Variants in CHN2 observed in about 807,000 individuals in gnomAD.
The protein encoded by CHN2 is beta-chimaerin.
In CHN2, 35 loss-of-function variants were observed where a neutral mutation model predicts 56.3. The ratio of observed to expected loss-of-function variants is 0.62; its 90% CI spans 0.47 to 0.82. The LOEUF (loss-of-function observed/expected upper bound fraction) is 0.82, where lower values mean the gene tolerates loss of function less well. Ranked by LOEUF, CHN2 falls within the 40% of genes least tolerant of loss-of-function variation. The probability of loss-of-function intolerance (pLI) is 0.00; values close to 1 mark genes in which losing one functional copy is unlikely to be tolerated. For missense variants in CHN2, 491 were observed against 580.5 expected (o/e 0.85, Z 1.58); for synonymous variants, 210 against 212.8 (o/e 0.99, Z 0.12).
intron 2 of CHN2, among the ~76,000 whole-genome samples, chr7:29,355,993 G>C (rs1798290576): frequency 1.3e-5 from 2 of 151,708 alleles, no homozygotes; most frequent in Admixed American, 6.6e-5. Context: ...ATGTTGCCCA[G>C]AGCGGTCTTG....
intron 4 of CHN2, among the ~76,000 whole-genome samples, 158 bp downstream of exon 4, chr7:29,393,868 T>A (rs1801535953): frequency 6.6e-6 from 1 of 152,176 alleles, no homozygotes; most frequent in African/African-American, 2.4e-5. Flanking sequence ...TGAATTAATA[T>A]TTTTTATAGT....
chr7:29,157,927 GA>G (rs1290800299), intron 2 of CHN2, among the ~76,000 whole-genome samples: 1 of 152,052 alleles, frequency 6.6e-6, no homozygotes, highest in African/African-American at 2.4e-5. Context: ...TCTTCCTTAT[GA>G]AAATACTGTT....
intron 11 of CHN2, among the ~76,000 whole-genome samples, chr7:29,508,582 C>T (rs533491126): frequency 7.9e-5 from 12 of 152,126 alleles, no homozygotes; most frequent in East Asian, 7.7e-4. Context: ...TCCCTCCTTC[C>T]GGGGCCCTAG....
intron 2 of CHN2, among the ~76,000 whole-genome samples, chr7:29,168,650 A>G (rs1796216328): frequency 6.6e-6 from 1 of 152,214 alleles, no homozygotes; most frequent in Non-Finnish European, 1.5e-5. Context: ...GTATAGGCTG[A>G]AAGCTTTCCC....
intron 6 of CHN2, among the ~76,000 whole-genome samples, chr7:29,448,632 A>G (rs1430159910): frequency 6.6e-6 from 1 of 152,168 alleles, no homozygotes; most frequent in Non-Finnish European, 1.5e-5. Flanking sequence ...CATTTCTGTA[A>G]TAGATCACCC....
chr7:29,228,674 TAAAC>T (rs896191537), intron 1 of CHN2, among the ~76,000 whole-genome samples: 2 of 152,114 alleles, frequency 1.3e-5, no homozygotes, highest in African/African-American at 4.8e-5. Flanking sequence ...ACAAAACAAA[TAAAC>T]AAAACACAAA....
chr7:29,430,255 C>A (rs926522313), intron 6 of CHN2, among the ~76,000 whole-genome samples: 16 of 152,148 alleles, frequency 1.1e-4, no homozygotes, highest in Admixed American at 2.0e-4. Context: ...CTTTTCATTG[C>A]CCCTCTGCCA....
At chr7:29,241,431 A>C (rs1787673216) in intron 1 of CHN2, among the ~76,000 whole-genome samples, 1 of 152,070 alleles carries the variant, frequency 6.6e-6, no homozygotes, top group African/African-American at 2.4e-5. Context: ...CAAACTGTGC[A>C]AACTTCTCAA....
At chr7:29,482,077 C>T (rs1455365252) in intron 7 of CHN2, among the ~76,000 whole-genome samples, 3 of 152,122 alleles carry the variant, frequency 2.0e-5, no homozygotes, top group African/African-American at 7.2e-5. Context: ...TTAAGTAGTA[C>T]TGTTGCTAAC....
At chr7:29,209,246 G>T (rs75922544) in intron 1 of CHN2, among the ~76,000 whole-genome samples, 1 of 152,056 alleles carries the variant, frequency 6.6e-6, no homozygotes, top group African/African-American at 2.4e-5. Flanking sequence ...AAGAACATCC[G>T]CCACAATTAT....
At chr7:29,341,141 GTTC>G (rs1797026193) in intron 1 of CHN2, among the ~76,000 whole-genome samples, 1 of 152,146 alleles carries the variant, frequency 6.6e-6, no homozygotes, top group African/African-American at 2.4e-5. Flanking sequence ...CATCTTTCAG[GTTC>G]TTCTTGGTTA....
At chr7:29,267,347 T>C (rs112008692) in intron 1 of CHN2, among the ~76,000 whole-genome samples, 3 of 151,714 alleles carry the variant, frequency 2.0e-5, no homozygotes. Flanking sequence ...GGTTCAAGTG[T>C]TTCTCCTACC....
intron 6 of CHN2, among the ~76,000 whole-genome samples, chr7:29,440,971 TTA>T (rs1427465330): frequency 1.3e-5 from 2 of 152,178 alleles, no homozygotes; most frequent in Non-Finnish European, 2.9e-5. Flanking sequence ...CAAAGTGATG[TTA>T]TGTTTTTTTA....
intron 1 of CHN2, among the ~76,000 whole-genome samples, chr7:29,294,513 C>T (rs1299476026): frequency 6.6e-6 from 1 of 152,104 alleles, no homozygotes; most frequent in Non-Finnish European, 1.5e-5. Flanking sequence ...TCGTGCCTGC[C>T]TTGTAACCGC....
At chr7:29,350,330 T>C (rs2128922044) in intron 1 of CHN2, among the ~76,000 whole-genome samples, 1 of 152,282 alleles carries the variant, frequency 6.6e-6, no homozygotes, top group South Asian at 2.1e-4. Flanking sequence ...CGCAAGTTGA[T>C]CTTTGAAAAG....
At chr7:29,302,522 T>A (rs1278717573) in intron 1 of CHN2, among the ~76,000 whole-genome samples, 2 of 133,436 alleles carry the variant, frequency 1.5e-5, no homozygotes, top group Non-Finnish European at 3.3e-5. Context: ...TTTTTTTTTT[T>A]AAGAGATAGG....
intron 3 of CHN2, among the ~76,000 whole-genome samples, chr7:29,382,561 A>T (rs181743281): frequency 6.6e-6 from 1 of 152,220 alleles, no homozygotes; most frequent in African/African-American, 2.4e-5. Flanking sequence ...GTGTTATGCC[A>T]TGAGGCTGAG....
intron 2 of CHN2, among the ~76,000 whole-genome samples, chr7:29,155,003 G>A (rs1794137197): frequency 6.6e-6 from 1 of 152,204 alleles, no homozygotes; most frequent in African/African-American, 2.4e-5. Flanking sequence ...CAGGCAAAGA[G>A]AAGGGTGCTT....
chr7:29,447,930 G>A (rs1418010401), intron 6 of CHN2, among the ~76,000 whole-genome samples: 3 of 152,116 alleles, frequency 2.0e-5, no homozygotes, highest in Non-Finnish European at 2.9e-5. Flanking sequence ...AGAAATTTCC[G>A]TCTTCAAAGG....
Sources: allele counts gnomAD v4.1 joint callset (sites outside exome capture counted in the v4.1 genomes callset), GRCh38; gene constraint gnomAD v4.1.1; transcripts MANE v1.5; gene names NCBI Gene and HGNC (gene_info 2026-07-23, HGNC 2026-07-21).